Variants in CPNE5 observed in about 807,000 individuals in gnomAD.
The protein encoded by CPNE5 is copine-5.
In CPNE5, 42 loss-of-function variants were observed where a neutral mutation model predicts 81.1. The observed-to-expected ratio is 0.52, with a 90% CI of 0.40 to 0.67. The LOEUF (loss-of-function observed/expected upper bound fraction) is 0.67, where lower values mean the gene tolerates loss of function less well. CPNE5 is among the 30% of genes least tolerant of loss of function. The pLI, the probability that CPNE5 is intolerant of heterozygous loss-of-function variation, is 0.00. For missense variants in CPNE5, 612 were observed against 815.5 expected (o/e 0.75, Z 3.04); for synonymous variants, 313 against 321.5 (o/e 0.97, Z 0.28).
chr6:36,765,405 G>C (rs369943554), intron 10 of CPNE5, 29 bp from the exon 11 acceptor site: 175 of 1,613,892 alleles, frequency 1.1e-4, no homozygotes, highest in East Asian at 1.6e-4. Context: ...TGCTGGGATG[G>C]GCCCAACCCC....
At chr6:36,761,273 A>G (rs1766001810) in intron 12 of CPNE5, among the ~76,000 whole-genome samples, 1 of 152,248 alleles carries the variant, frequency 6.6e-6, no homozygotes, top group Non-Finnish European at 1.5e-5. Context: ...AAACAAAGCA[A>G]TGTACTGTAT....
At chr6:36,789,670 C>A (rs1768913047) in intron 8 of CPNE5, among the ~76,000 whole-genome samples, 1 of 152,230 alleles carries the variant, frequency 6.6e-6, no homozygotes, top group Non-Finnish European at 1.5e-5. Flanking sequence ...CAACCGAATT[C>A]TCTCCCTTGT....
intron 11 of CPNE5, among the ~76,000 whole-genome samples, chr6:36,764,094 C>G (rs1401693725): frequency 6.9e-6 from 1 of 144,060 alleles, no homozygotes; most frequent in East Asian, 2.2e-4. Flanking sequence ...CCCCACCCCC[C>G]ACCGTGAGCC....
chr6:36,825,497 A>C (rs1460066413), intron 1 of CPNE5, among the ~76,000 whole-genome samples: 2 of 151,682 alleles, frequency 1.3e-5, no homozygotes, highest in Non-Finnish European at 1.5e-5. Flanking sequence ...ACAGGCAACC[A>C]CCTCTCTCCT....
intron 10 of CPNE5, among the ~76,000 whole-genome samples, chr6:36,765,794 C>T (rs1766512301): frequency 6.6e-6 from 1 of 151,712 alleles, no homozygotes; most frequent in Non-Finnish European, 1.5e-5. Context: ...GGGAAGAAGA[C>T]TGCTTGTTGA....
rs1773798096 is a variant in CPNE5, at chr6:36,839,061, C to A, written c.95+222G>T. 6.6e-6 allele frequency among the ~76,000 whole-genome samples: 1 copy of A among 152,202 alleles called. No individual in the cohort carries two copies. The highest frequency in any genetic ancestry group is 1.5e-5 in the Non-Finnish European group (1 of 68,030). On this transcript the variant is annotated intron_variant, in intron 1 of 20. Transcript: ENST00000244751. This position sits in a 1 kb window ranked among gnomAD's most constrained non-coding sequence, Gnocchi z 7.3. ...ATCTCCTCGATGCAACAGCCTGGAG[C>A]GCAAACTTTCTGGGATATGACCCCA...
intron 12 of CPNE5, among the ~76,000 whole-genome samples, chr6:36,759,254 G>A (rs535701811): frequency 6.6e-6 from 1 of 152,308 alleles, no homozygotes; most frequent in East Asian, 1.9e-4. Flanking sequence ...GCAATGTTCT[G>A]TTCTCAGATC....
At chr6:36,818,287 C>A (rs1771737590) in intron 3 of CPNE5, among the ~76,000 whole-genome samples, 1 of 152,200 alleles carries the variant, frequency 6.6e-6, no homozygotes, top group Admixed American at 6.5e-5. Context: ...CCTGAACTCC[C>A]ATTTTCTTCC....
At chr6:36,747,792 C>G (rs926140233) in intron 15 of CPNE5, among the ~76,000 whole-genome samples, 1 of 152,244 alleles carries the variant, frequency 6.6e-6, no homozygotes, top group East Asian at 1.9e-4. Context: ...GCAGCCCCAG[C>G]CAGGTAAGGA....
chr6:36,748,946 C>CT (rs1461686818), intron 14 of CPNE5, among the ~76,000 whole-genome samples: 3 of 152,168 alleles, frequency 2.0e-5, no homozygotes, highest in East Asian at 1.9e-4. Flanking sequence ...TCTCCTGAAT[C>CT]TTTTTTTGGA....
At chr6:36,790,704 C>T (rs1769008651) in intron 8 of CPNE5, among the ~76,000 whole-genome samples, 1 of 152,118 alleles carries the variant, frequency 6.6e-6, no homozygotes, top group South Asian at 2.1e-4. Context: ...CTGCCGGGCC[C>T]AACTAATTTT....
chr6:36,802,348 T>C (rs1770199037), intron 3 of CPNE5, among the ~76,000 whole-genome samples: 1 of 150,134 alleles, frequency 6.7e-6, no homozygotes, highest in Non-Finnish European at 1.5e-5. Flanking sequence ...TCCCAGCTAC[T>C]CAGGAGGCTA....
intron 18 of CPNE5, among the ~76,000 whole-genome samples, chr6:36,744,699 G>A (rs1420534122): frequency 1.3e-5 from 2 of 152,240 alleles, no homozygotes; most frequent in African/African-American, 2.4e-5. Flanking sequence ...GCCTGGGAAA[G>A]GGGGAAGCGG....
At chr6:36,762,703 T>C (rs1271933056) in intron 12 of CPNE5, among the ~76,000 whole-genome samples, 1 of 152,204 alleles carries the variant, frequency 6.6e-6, no homozygotes, top group Non-Finnish European at 1.5e-5. Flanking sequence ...TCTGGGTTGT[T>C]TGTGTCTTGA....
rs571243839 is a variant in CPNE5 at position 36,782,969 on chromosome 6, G to A, written c.529-4012C>T. ...TGGGTAACTTAACCTCTCTGAGGCT[G>A]GGTAATGTAGAAGAATAGCGCCCCC... On this transcript the variant is annotated intron_variant, in intron 8 of 20. Coordinates refer to ENST00000244751, the MANE Select transcript of CPNE5 (RefSeq NM_020939.2). 4.2e-4 allele frequency among the ~76,000 whole-genome samples: 64 copies of A among 152,098 alleles called. 2 individuals are homozygous for A. The South Asian group carries it at 0.013, about 31-fold the overall frequency.
At chr6:36,785,113 C>T (rs1007689116) in intron 8 of CPNE5, among the ~76,000 whole-genome samples, 4 of 152,176 alleles carry the variant, frequency 2.6e-5, no homozygotes, top group East Asian at 3.8e-4. Context: ...ATCAGGATTG[C>T]CTCCATTTGC....
intron 3 of CPNE5, among the ~76,000 whole-genome samples, chr6:36,818,585 C>T (rs1260182992): frequency 1.3e-5 from 2 of 152,198 alleles, no homozygotes; most frequent in South Asian, 2.1e-4. Context: ...TCCGTCATCT[C>T]GTTTCACCCT....
chr6:36,838,847 A>G, intron 1 of CPNE5: 1 of 611,446 alleles, frequency 1.6e-6, no homozygotes, highest in Middle Eastern at 8.0e-4. Flanking sequence ...AAGAAGGGGC[A>G]AAGAGAGAAG....
At chr6:36,821,866 C>G (rs970974553) in intron 3 of CPNE5, among the ~76,000 whole-genome samples, 2 of 152,164 alleles carry the variant, frequency 1.3e-5, no homozygotes, top group Non-Finnish European at 2.9e-5. Flanking sequence ...GGGACTGGGG[C>G]TCCCTGAGAA....
Sources: allele counts gnomAD v4.1 joint callset (sites outside exome capture counted in the v4.1 genomes callset), GRCh38; gene constraint gnomAD v4.1.1; non-coding constraint Gnocchi (gnomAD v3.1); transcripts MANE v1.5; gene names NCBI Gene and HGNC (gene_info 2026-07-23, HGNC 2026-07-21).